Variants in TMPRSS7 observed in about 807,000 individuals in gnomAD.
The protein encoded by TMPRSS7 is transmembrane protease serine 7.
TMPRSS7 carries 81 observed loss-of-function variants against 95.6 expected under a neutral mutation model. The observed-to-expected ratio is 0.85, with a 90% CI of 0.71 to 1.02. The LOEUF (loss-of-function observed/expected upper bound fraction) is 1.02, where lower values mean the gene tolerates loss of function less well. Among genes scored for constraint, TMPRSS7 ranks in the 50% least tolerant of loss-of-function variants. The pLI is 0.00. For missense variants in TMPRSS7, 945 were observed against 955.2 expected (o/e 0.99, Z 0.14); for synonymous variants, 364 against 337.8 (o/e 1.08, Z -0.85).
chr3:112,052,119 G>A (rs1559956134), intron 9 of TMPRSS7, among the ~76,000 whole-genome samples: 1 of 151,992 alleles, frequency 6.6e-6, no homozygotes, highest in Non-Finnish European at 1.5e-5. Context: ...AAAATGCTAT[G>A]GAGAAAAATA....
chr3:112,038,135 T>C, exon 2 of TMPRSS7: 1 of 702,784 alleles, frequency 1.4e-6, no homozygotes, highest in Non-Finnish European at 2.6e-6. Flanking sequence ...ACGACCACCG[T>C]TGCCAGGGAG....
At chr3:112,038,904 G>A (rs1320994693) in intron 2 of TMPRSS7, among the ~76,000 whole-genome samples, 3 of 152,118 alleles carry the variant, frequency 2.0e-5, no homozygotes, top group Admixed American at 2.0e-4. Flanking sequence ...AGGATGGGAA[G>A]AGCTGAGAAG....
At chr3:112,040,449 A>T (rs1252969441) in intron 2 of TMPRSS7, among the ~76,000 whole-genome samples, 1 of 152,170 alleles carries the variant, frequency 6.6e-6, no homozygotes, top group Non-Finnish European at 1.5e-5. Flanking sequence ...TTCATTTGAT[A>T]CATCTTGAGA....
intron 13 of TMPRSS7, among the ~76,000 whole-genome samples, chr3:112,066,836 T>G (rs1365678895): frequency 6.6e-6 from 1 of 152,182 alleles, no homozygotes; most frequent in Admixed American, 6.5e-5. Flanking sequence ...TTTCTTTCTT[T>G]TTAAATTATT....
chr3:112,081,034 G>C (rs1414769426), exon 18 of TMPRSS7: 2 of 1,613,114 alleles, frequency 1.2e-6, no homozygotes, highest in East Asian at 2.2e-5. Flanking sequence ...TTACACAAGG[G>C]TGTCAAACTT....
intron 13 of TMPRSS7, 76 bp from the exon 14 acceptor site, chr3:112,074,220 G>T (rs529689914): frequency 9.4e-5 from 96 of 1,018,180 alleles, no homozygotes; most frequent in Non-Finnish European, 1.2e-4. Context: ...GGGGTTTGGA[G>T]TTATTCATTC....
chr3:112,079,209 G>T (rs1309383122), intron 17 of TMPRSS7, among the ~76,000 whole-genome samples: 1 of 152,140 alleles, frequency 6.6e-6, no homozygotes, highest in African/African-American at 2.4e-5. Flanking sequence ...TCTAAAATTT[G>T]AAGGATTTTA....
chr3:112,059,312 AC>A (rs2073472122), intron 10 of TMPRSS7, among the ~76,000 whole-genome samples: 1 of 151,944 alleles, frequency 6.6e-6, no homozygotes, highest in Non-Finnish European at 1.5e-5. Context: ...TAGTTTCCTC[AC>A]TTGTCATGTG....
rs570966286 is a variant in TMPRSS7, at chr3:112,049,767, T to A, written c.960-77T>A. On this transcript the variant is annotated intron_variant, in intron 7 of 17. Coordinates refer to ENST00000452346, the Ensembl canonical transcript of TMPRSS7. ...TTGAATGGATGGCCCAGGAAATGTG[T>A]GGAATCGTTTTGAATGGAGACCCAT... 3 of 1,253,484 alleles carry A rather than the reference T, an allele frequency of 2.4e-6. No individual in the cohort carries two copies. The South Asian group carries it at 5.9e-5, about 24-fold the overall frequency. 77.6% of individuals were successfully genotyped at this position (1,253,484 alleles called of 1,614,324 possible).
At chr3:112,050,530 A>AAAAAAAAC (rs1553763208) in intron 8 of TMPRSS7, 141 bp from the exon 9 acceptor site, 3 of 363,876 alleles carry the variant, frequency 8.2e-6, no homozygotes, top group East Asian at 4.4e-5. Context: ...CTGAAAAAAA[A>AAAAAAAAC]AAAAAAAACC....
intron 13 of TMPRSS7, among the ~76,000 whole-genome samples, chr3:112,071,448 A>G (rs924276416): frequency 1.3e-5 from 2 of 152,094 alleles, no homozygotes; most frequent in African/African-American, 2.4e-5. Flanking sequence ...TTCAAGGAGT[A>G]TCTTTGTGGT....
rs761128416 is a variant in TMPRSS7, at chr3:112,075,504, C to T, written c.1955+12C>T. On this transcript the variant is annotated intron_variant, in intron 15 of 17. Coordinates refer to ENST00000452346, the Ensembl canonical transcript of TMPRSS7. The stretch of plus-strand genomic sequence containing the variant: ...TTTCATGGAAACAGGTAGGGCCTCA[C>T]GGTCCTTACTTTCAAGTGGCACTCT... The T allele has an allele frequency of 1.0e-4, 146 of 1,421,474 alleles. No homozygotes were observed. The highest frequency in any genetic ancestry group is 1.3e-4 in the Non-Finnish European group (136 of 1,080,718). 88.1% of individuals were successfully genotyped at this position (1,421,474 alleles called of 1,614,324 possible).
chr3:112,036,586 G>T (rs1199427061), intron 1 of TMPRSS7, among the ~76,000 whole-genome samples: 1 of 151,716 alleles, frequency 6.6e-6, no homozygotes, highest in Non-Finnish European at 1.5e-5. Context: ...AAAAGGAGGG[G>T]GGAGGGGCTG....
chr3:112,037,747 CTT>C (rs2073161445), intron 1 of TMPRSS7, among the ~76,000 whole-genome samples: 1 of 152,110 alleles, frequency 6.6e-6, no homozygotes, highest in Admixed American at 6.5e-5. Context: ...CTTTTGTACT[CTT>C]TCTCTTTATT....
chr3:112,050,070 G>T, intron 8 of TMPRSS7, 96 bp downstream of exon 8: 1 of 1,245,738 alleles, frequency 8.0e-7, no homozygotes, highest in Non-Finnish European at 1.1e-6. Flanking sequence ...AATATTCATT[G>T]TATTAGTCTG....
intron 10 of TMPRSS7, among the ~76,000 whole-genome samples, chr3:112,058,751 C>T (rs974562740): frequency 1.3e-5 from 2 of 152,148 alleles, no homozygotes; most frequent in African/African-American, 4.8e-5. Flanking sequence ...CCCTAAATCA[C>T]AACAACGACC....
At chr3:112,054,833 A>G (rs112651890) in intron 9 of TMPRSS7, among the ~76,000 whole-genome samples, 34,998 of 135,642 alleles carry the variant, frequency 0.26, 4,294 homozygotes, top group Middle Eastern at 0.37. Flanking sequence ...TCCGCCTCCC[A>G]GGTTCACGCC....
At chr3:112,075,206 G>C (rs2073696718) in intron 14 of TMPRSS7, 115 bp from the exon 15 acceptor site, 2 of 1,049,766 alleles carry the variant, frequency 1.9e-6, no homozygotes, top group South Asian at 5.1e-5. Context: ...CTCTAGATAA[G>C]GAGATTTCAA....
chr3:112,075,246 A>G (rs1257587424), intron 14 of TMPRSS7, 75 bp from the exon 15 acceptor site: 8 of 1,359,250 alleles, frequency 5.9e-6, no homozygotes, highest in East Asian at 2.8e-5. Context: ...GTTCCCAGCC[A>G]GCACTAAAAC....
Sources: allele counts gnomAD v4.1 joint callset (sites outside exome capture counted in the v4.1 genomes callset), GRCh38; gene constraint gnomAD v4.1.1; transcripts MANE v1.5; gene names NCBI Gene and HGNC (gene_info 2026-07-23, HGNC 2026-07-21).